MIER2: variants seen among roughly 807,000 people sequenced by gnomAD.
MIER2 encodes the protein MIER family member 2.
In MIER2, 30 loss-of-function variants were observed where a neutral mutation model predicts 67.6. The observed-to-expected ratio is 0.44, with a 90% CI of 0.33 to 0.60. MIER2 has a LOEUF of 0.60. Among genes scored for constraint, MIER2 ranks in the 20% least tolerant of loss-of-function variants. The pLI, the probability that MIER2 is intolerant of heterozygous loss-of-function variation, is 0.02. For synonymous variants in MIER2, 372 were observed against 312.6 expected, an observed-to-expected ratio of 1.19 and a Z score of -2.00; for missense variants, 702 against 745.1, an observed-to-expected ratio of 0.94 and a Z score of 0.67.
In MIER2 at chr19:307,518, C is replaced by A; in HGVS notation, c.1217G>T (p.Gly406Val). 6.6e-7 allele frequency: 1 copy of A among 1,511,576 alleles called. No homozygotes were observed. The allele number at this position is 1,511,576 out of a possible 1,614,324, so 93.6% of individuals were successfully genotyped here. A position where few individuals can be genotyped will look rare whatever the true frequency, so the allele number is the denominator to read the frequency against. Residue 406 changes from glycine to valine, a missense_variant, in exon 13 of 14, where the codon GGC becomes GTC. Around this residue, in one of 3 missense-constraint regions of MIER2, gnomAD observed 254 missense variants for 262.8 expected, o/e 0.97. Coordinates refer to ENST00000264819, the MANE Select transcript of MIER2 (RefSeq NM_017550.3). ...GGGCTCATCGAGACCACCGGCCGTG[C>A]CATCCACGCTCAGTGGATCTGTGAA... ...GMRTDPLSVD[G>V]TAGGLDEPGV...
At chr19:331,725 T>G (rs1165188402) in intron 3 of MIER2, among the ~76,000 whole-genome samples, 5 of 152,082 alleles carry the variant, frequency 3.3e-5, no homozygotes, top group Non-Finnish European at 7.3e-5. Context: ...GGCTCATGCC[T>G]GTAATCCAGC....
chr19:337,942 G>C (rs113379819), intron 1 of MIER2, among the ~76,000 whole-genome samples: 27,570 of 147,536 alleles, frequency 0.19, 3,994 homozygotes, highest in African/African-American at 0.39. Context: ...GGGAGGCCGA[G>C]GTGGGCAGAT....
At chr19:340,986 C>T (rs1412486782) in intron 1 of MIER2, among the ~76,000 whole-genome samples, 1 of 152,204 alleles carries the variant, frequency 6.6e-6, no homozygotes, top group African/African-American at 2.4e-5. Flanking sequence ...CTGGGGTTGG[C>T]CTGGGTCTGG....
intron 7 of MIER2, among the ~76,000 whole-genome samples, chr19:321,636 T>C (rs1971507839): frequency 6.6e-6 from 1 of 151,170 alleles, no homozygotes; most frequent in African/African-American, 2.4e-5. Context: ...AGAGCAAGAC[T>C]CCATCTCAAA....
At chr19:344,051 G>A in intron 1 of MIER2, 3 of 985,386 alleles carry the variant, frequency 3.0e-6, no homozygotes, top group Non-Finnish European at 3.6e-6. Flanking sequence ...AAATATAGCT[G>A]GTCCCAAACA....
chr19:336,157 C>T lies in MIER2; in HGVS notation c.26G>A (p.Arg9Lys). The T allele has an allele frequency of 6.2e-7, 1 of 1,613,122 alleles. No individual in the cohort carries two copies. Among genetic ancestry groups the T allele is most frequent in the Non-Finnish European group, 8.5e-7 (1 of 1,179,372 alleles). ...GCAGGAGACCACGCGAGGACTCTGC[C>T]TCCCCAGCGAGGAGGCCTGCGAAGG... MAEASSLG[R>K]QSPRVVSCLE... is the part of the protein sequence containing the mutation. Residue 9 changes from arginine to lysine, a missense_variant, in exon 2 of 14, where the codon AGG (arginine) becomes AAG (lysine). Around this residue, in one of 3 missense-constraint regions of MIER2, gnomAD observed 320 missense variants for 292.6 expected, o/e 1.09. Transcript: ENST00000264819.
Position 327,145 on chromosome 19 carries a change from T to C in MIER2, c.481A>G (p.Asn161Asp). The C allele has an allele frequency of 6.3e-7, 1 of 1,585,196 alleles. No individual in the cohort carries two copies. Among genetic ancestry groups the C allele is most frequent in the East Asian group, 2.2e-5 (1 of 44,456 alleles). Residue 161 changes from asparagine to aspartate, a missense_variant, in exon 5 of 14, where the codon AAC (asparagine) becomes GAC (aspartate). Physicochemically the swap from Asn to Asp is conservative, Grantham distance 23. Coordinates refer to ENST00000264819, the MANE Select transcript of MIER2 (RefSeq NM_017550.3). The stretch of plus-strand genomic sequence containing the variant: ...CAGAGTCACCTACATCCACTCCGGT[T>C]AGGGAAGAGGTCGGAGGCCTCGTGG... ...TSHEASDLFP[N>D]RSGSRFLADE...
chr19:314,889 G>C (rs1215512415), intron 7 of MIER2, among the ~76,000 whole-genome samples: 1 of 151,620 alleles, frequency 6.6e-6, no homozygotes, highest in East Asian at 1.9e-4. Context: ...CAGAGTTTGA[G>C]ACTCGCACAC....
chr19:308,976 C>T lies in MIER2; in HGVS notation c.985-51G>A. The T allele has an allele frequency of 6.4e-7, 1 of 1,570,402 alleles. No homozygotes were observed. Among genetic ancestry groups the T allele is most frequent in the Non-Finnish European group, 8.7e-7 (1 of 1,152,356 alleles). On this transcript the variant is annotated intron_variant, in intron 10 of 13. Coordinates refer to ENST00000264819, the MANE Select transcript of MIER2 (RefSeq NM_017550.3). The surrounding 1 kb of genome is among the most constrained non-coding windows in gnomAD (Gnocchi z 9.1). The stretch of plus-strand genomic sequence containing the variant: ...TCTGTCCCCGGCTGCCCAGCCCCAG[C>T]ACCTGCACCACGATCCCAGGACGTC...
In MIER2 at chr19:308,712, C is replaced by A; in HGVS notation, c.1110-47G>T. On this transcript the variant is annotated intron_variant, in intron 11 of 13. Transcript: ENST00000264819. This position sits in a 1 kb window ranked among gnomAD's most constrained non-coding sequence, Gnocchi z 9.1. ...AGGGGCGGCAGACAGGACAGACGCC[C>A]CCACCCAAGAGGTGCCGCCCAGGCG... The A allele has an allele frequency of 6.3e-7, 1 of 1,596,034 alleles. No individual in the cohort carries two copies. The highest frequency in any genetic ancestry group is 8.5e-7 in the Non-Finnish European group (1 of 1,170,872).
At chr19:323,051 A>G (rs1203949097) in intron 7 of MIER2, among the ~76,000 whole-genome samples, 1 of 151,914 alleles carries the variant, frequency 6.6e-6, no homozygotes, top group African/African-American at 2.4e-5. Context: ...CAGACAACTC[A>G]AATGACAGAC....
At position 311,834 on chromosome 19, in the gene MIER2, G is replaced by A. The variant is rs1971018374; in HGVS notation, c.984+11C>T. ...GAAGCCCCCGGTGGAGCCTGGCAGT[G>A]GAGTCCGCACCTTGTTGGCCTGGAT... On this transcript the variant is annotated intron_variant, in intron 10 of 13. Coordinates refer to ENST00000264819, the MANE Select transcript of MIER2 (RefSeq NM_017550.3). 4.3e-6 allele frequency: 7 copies of A among 1,613,820 alleles called. No homozygotes were observed. The East Asian group carries it at 1.1e-4, about 26-fold the overall frequency.
At position 338,229 on chromosome 19, in the gene MIER2, G is replaced by A. The variant is rs535157051; in HGVS notation, c.10-2056C>T. On this transcript the variant is annotated intron_variant, in intron 1 of 13. Transcript: ENST00000264819. ...GTAAGGAAGAAGTAAAACTATCTCT[G>A]TGCTGGTGCTGGTGACATGATCTAA... Among the ~76,000 whole-genome samples the A allele has an allele frequency of 4.1e-5, 6 of 148,134 alleles. No homozygotes were observed. In the East Asian group the frequency reaches 1.2e-3, roughly 30 times the overall value.
rs1361780050 is a variant in MIER2 at position 317,563 on chromosome 19, T to TAAATAAATAAAA, written c.656-3921_656-3920insTTTTATTTATTT. Reference sequence around the variant, plus strand: ...ATAAATAAATAAATAAATAAATAAATAAAATAAAAATACAAAATTAGCCAG... The same window carrying TAAATAAATAAAA: ...ATAAATAAATAAATAAATAAATAAATAAATAAATAAAAAAAATAAAAATACAAAATTAGCCAG... On this transcript the variant is annotated intron_variant, in intron 7 of 13. Transcript: ENST00000264819. Among the ~76,000 whole-genome samples the TAAATAAATAAAA allele has an allele frequency of 4.3e-3, 633 of 145,590 alleles. 6 individuals carry two copies. Among genetic ancestry groups the TAAATAAATAAAA allele is most frequent in the Middle Eastern group, 0.028 (8 of 288 alleles).
chr19:343,971 A>G, intron 1 of MIER2: 1 of 985,366 alleles, frequency 1.0e-6, no homozygotes, highest in Non-Finnish European at 1.2e-6. Flanking sequence ...AGACAGTCCT[A>G]GGTGGGTTTG....
At chr19:341,317 G>A (rs1302030932) in intron 1 of MIER2, among the ~76,000 whole-genome samples, 6 of 152,274 alleles carry the variant, frequency 3.9e-5, no homozygotes, top group Non-Finnish European at 7.4e-5. Context: ...GATCCACACC[G>A]AGTAACAGGG....
intron 10 of MIER2, among the ~76,000 whole-genome samples, chr19:310,696 A>C (rs1970952132): frequency 6.6e-6 from 1 of 151,932 alleles, no homozygotes; most frequent in Non-Finnish European, 1.5e-5. Flanking sequence ...GAGCTATAGA[A>C]ACACGGCCCG....
chr19:310,384 T>C (rs1452852388), intron 10 of MIER2, among the ~76,000 whole-genome samples: 2 of 152,170 alleles, frequency 1.3e-5, no homozygotes, highest in African/African-American at 4.8e-5. Flanking sequence ...AGGGAGCTCT[T>C]CTGTGAAGGG....
intron 7 of MIER2, among the ~76,000 whole-genome samples, chr19:318,926 G>A (rs947255788): frequency 2.0e-5 from 3 of 151,896 alleles, no homozygotes; most frequent in African/African-American, 7.3e-5. Context: ...GCGTGGTGGT[G>A]GGCGCCTATA....
Sources: allele counts gnomAD v4.1 joint callset (sites outside exome capture counted in the v4.1 genomes callset), GRCh38; gene constraint gnomAD v4.1.1; regional missense constraint gnomAD v4.1.1; non-coding constraint Gnocchi (gnomAD v3.1); transcripts MANE v1.5; gene names NCBI Gene and HGNC (gene_info 2026-07-23, HGNC 2026-07-21).